EZH1: variants seen among roughly 807,000 people sequenced by gnomAD.
The protein encoded by EZH1 is enhancer of zeste 1 polycomb repressive complex 2 subunit, also known as histone-lysine N-methyltransferase EZH1.
Under a neutral mutation model 100.5 loss-of-function variants are expected in EZH1, and 33 were observed. That is an observed-to-expected ratio of 0.33 (90% confidence interval 0.25 to 0.44). The LOEUF (loss-of-function observed/expected upper bound fraction) is 0.44, where lower values mean the gene tolerates loss of function less well. Among genes scored for constraint, EZH1 ranks in the 20% least tolerant of loss-of-function variants. The pLI, the probability that EZH1 is intolerant of heterozygous loss-of-function variation, is 1.00. For synonymous variants in EZH1, 272 were observed against 313.8 expected (o/e 0.87, Z 1.41); for missense variants, 475 against 928.4 (o/e 0.51, Z 6.35).
chr17:42,713,738 C>T (rs1271067289), intron 10 of EZH1, among the ~76,000 whole-genome samples: 3 of 152,056 alleles, frequency 2.0e-5, no homozygotes, highest in Non-Finnish European at 4.4e-5. Flanking sequence ...TAGGACCACA[C>T]GCACATGTCA....
chr17:42,744,531 C>T (rs987633997), intron 1 of EZH1, among the ~76,000 whole-genome samples: 1 of 152,154 alleles, frequency 6.6e-6, no homozygotes, highest in Non-Finnish European at 1.5e-5. Flanking sequence ...ACCCTAGTCC[C>T]GGCCTTGTTT....
chr17:42,715,258 G>A (rs1371762674), intron 10 of EZH1, among the ~76,000 whole-genome samples: 2 of 138,316 alleles, frequency 1.4e-5, no homozygotes, highest in African/African-American at 2.7e-5. Context: ...ATATATAATA[G>A]ATTATATGTA....
intron 1 of EZH1, among the ~76,000 whole-genome samples, chr17:42,743,603 G>A (rs2054220091): frequency 6.6e-6 from 1 of 151,444 alleles, no homozygotes; most frequent in African/African-American, 2.4e-5. Context: ...CCAAGCAGCT[G>A]GGACTATAGG....
At chr17:42,709,685 G>C (rs2053437496) in intron 13 of EZH1, 161 bp downstream of exon 13, 1 of 611,138 alleles carries the variant, frequency 1.6e-6, no homozygotes, top group Non-Finnish European at 2.9e-6. Flanking sequence ...CCCTCAGGGA[G>C]CACTCAGGAG....
chr17:42,734,651 AGAGT>A (rs57771365), intron 1 of EZH1, among the ~76,000 whole-genome samples: 5,393 of 148,502 alleles, frequency 0.036, 296 homozygotes, highest in African/African-American at 0.11. Flanking sequence ...CCTGGGTGAC[AGAGT>A]GAGGCCTTGT....
At position 42,712,494 on chromosome 17, in the gene EZH1, G is replaced by C; in HGVS notation, c.1205-9C>G. 1 of 1,609,114 alleles carries C rather than the reference G, an allele frequency of 6.2e-7. No individual in the cohort carries two copies. Among genetic ancestry groups the C allele is most frequent in the South Asian group, 1.1e-5 (1 of 90,428 alleles). On this transcript the variant is annotated splice_polypyrimidine_tract_variant and intron_variant, in intron 11 of 20. Coordinates refer to ENST00000428826, the MANE Select transcript of EZH1 (RefSeq NM_001991.5). ...ACAGCGAGAGTTAGCCTCTGAGAAG[G>C]GAAGAAATAACAGAATCAGAAGAAG...
intron 7 of EZH1, among the ~76,000 whole-genome samples, chr17:42,719,752 A>G (rs2053671065): frequency 6.6e-6 from 1 of 152,150 alleles, no homozygotes. Context: ...AATAATAAAT[A>G]ATAGATTTTA....
intron 1 of EZH1, chr17:42,731,926 A>G (rs531537298): frequency 6.6e-6 from 1 of 152,204 alleles, no homozygotes; most frequent in Non-Finnish European, 1.5e-5. Flanking sequence ...AAAACAAAAC[A>G]TTACAAGGAG....
intron 1 of EZH1, among the ~76,000 whole-genome samples, chr17:42,738,649 A>C (rs1021904438): frequency 6.6e-6 from 1 of 150,732 alleles, no homozygotes; most frequent in Non-Finnish European, 1.5e-5. Flanking sequence ...ACAGGGTTTC[A>C]CCATCTTGGC....
chr17:42,731,109 A>G (rs181998208), intron 1 of EZH1, among the ~76,000 whole-genome samples, 191 bp from the exon 2 acceptor site: 9 of 149,858 alleles, frequency 6.0e-5, no homozygotes, highest in African/African-American at 1.7e-4. Context: ...ATTAAATTCT[A>G]TTTTTTCATA....
At position 42,713,303 on chromosome 17, in the gene EZH1, A is replaced by C; in HGVS notation, c.1110T>G (p.Ala370=). 6.2e-7 allele frequency: 1 copy of C among 1,614,018 alleles called. No individual in the cohort carries two copies. ...CAGAGGCTGAGGCATTGGAGCAGGAAGCACTGACTATGTGGTGCCTTCTCC... is the reference window on the plus strand; with the variant it reads ...CAGAGGCTGAGGCATTGGAGCAGGACGCACTGACTATGTGGTGCCTTCTCC... ...RRRRRHHIVS[A]SCSNASASAV... The change falls in exon 11 of 21, where the codon GCT becomes GCG. Residue 370 remains alanine, a synonymous_variant. Transcript: ENST00000428826.
At chr17:42,719,835 G>T (rs1280378709) in intron 7 of EZH1, among the ~76,000 whole-genome samples, 1 of 152,144 alleles carries the variant, frequency 6.6e-6, no homozygotes, top group Admixed American at 6.5e-5. Flanking sequence ...ATCCTATCAT[G>T]AAGTGGATGC....
rs781254309 is a variant in EZH1, at chr17:42,709,938, C to G, written c.1402-1G>C. ...ATTCTTTGACTGCAAACTGAAAGAC[C>G]TGGAAGAGAAATCCAACGGGCCTGT... On this transcript the variant is annotated splice_acceptor_variant, in intron 12 of 20. Coordinates refer to ENST00000428826, the MANE Select transcript of EZH1 (RefSeq NM_001991.5). LOFTEE classifies it high-confidence loss of function. The G allele has an allele frequency of 1.2e-6, 2 of 1,614,072 alleles. No homozygotes were observed. The highest frequency in any genetic ancestry group is 1.1e-5 in the South Asian group (1 of 91,078).
At chr17:42,708,153 A>C in intron 14 of EZH1, 70 bp from the exon 15 acceptor site, 8 of 1,514,206 alleles carry the variant, frequency 5.3e-6, no homozygotes, top group Non-Finnish European at 7.1e-6. Flanking sequence ...CCAAGTGTCC[A>C]GCTGCCCTGA....
chr17:42,710,000 C>G, intron 12 of EZH1, 63 bp from the exon 13 acceptor site: 1 of 1,439,810 alleles, frequency 6.9e-7, no homozygotes. Context: ...AGTGGCCCAG[C>G]TGGGTGCTGG....
intron 10 of EZH1, among the ~76,000 whole-genome samples, chr17:42,713,954 A>T (rs2053541068): frequency 6.6e-6 from 1 of 152,180 alleles, no homozygotes; most frequent in Non-Finnish European, 1.5e-5. Context: ...CCAGAGGGGT[A>T]TAGGAATCAG....
intron 4 of EZH1, among the ~76,000 whole-genome samples, chr17:42,725,609 G>A (rs1240093793): frequency 6.6e-6 from 1 of 152,108 alleles, no homozygotes; most frequent in South Asian, 2.1e-4. Context: ...TCACCTTTGT[G>A]TCCTCTATAG....
Position 42,701,714 on chromosome 17 carries a change from C to T in EZH1, c.*818G>A, listed in dbSNP as rs1042762307. ...TCAATAGCAGCATAATGCTTGCCTGCAGCTGCTAAGCCAGAACTTTGGAGG... is the reference window on the plus strand; with the variant it reads ...TCAATAGCAGCATAATGCTTGCCTGTAGCTGCTAAGCCAGAACTTTGGAGG... On this transcript the variant is annotated 3_prime_UTR_variant, in exon 21 of 21. Transcript: ENST00000428826. 6.6e-6 allele frequency: 1 copy of T among 152,624 alleles called. No individual in the cohort carries two copies. Among genetic ancestry groups the T allele is most frequent in the African/African-American group, 2.4e-5 (1 of 41,458 alleles). The allele number at this position is 152,624 out of a possible 1,614,324, so 9.5% of individuals were successfully genotyped here.
intron 10 of EZH1, among the ~76,000 whole-genome samples, chr17:42,715,014 T>A (rs1024355528): frequency 1.9e-4 from 26 of 139,804 alleles, no homozygotes; most frequent in Admixed American, 3.0e-4. Context: ...AAATATAAAA[T>A]ATATATAATT....
Sources: gnomAD v4.1 joint callset for allele counts (sites outside exome capture counted in the v4.1 genomes callset) on GRCh38, gnomAD v4.1.1 for gene constraint, MANE v1.5 for transcripts, NCBI Gene and HGNC (gene_info 2026-07-23, HGNC 2026-07-21) for gene names.